CCDC150: variants seen among roughly 807,000 people sequenced by gnomAD.
The protein encoded by CCDC150 is coiled-coil domain-containing protein 150.
Under a neutral mutation model 156.5 loss-of-function variants are expected in CCDC150, and 151 were observed. That is an observed-to-expected ratio of 0.97 (90% confidence interval 0.85 to 1.10). The LOEUF is 1.10. Ranked by LOEUF, CCDC150 falls within the 50% of genes least tolerant of loss-of-function variation. CCDC150 has a pLI of 0.00. For missense variants in CCDC150, 1,312 were observed against 1,268.1 expected, an observed-to-expected ratio of 1.03 and a Z score of -0.53; for synonymous variants, 452 against 429.4, an observed-to-expected ratio of 1.05 and a Z score of -0.65.
At chr2:196,689,277 T>A (rs1695298633) in intron 13 of CCDC150, among the ~76,000 whole-genome samples, 1 of 152,176 alleles carries the variant, frequency 6.6e-6, no homozygotes, top group African/African-American at 2.4e-5. Context: ...TCCAATTCTG[T>A]GAGGAAAGTC....
rs981149759 is a variant in CCDC150, at chr2:196,658,814, A to G, written c.599A>G (p.Glu200Gly). ...TAGAAGAATGCAGCCATTATTGAAG[A>G]GGAACTGAAGACCACAAAACGTAAA... ...QTKKNAAIIE[E>G]ELKTTKRKMN... The change falls in exon 5 of 28, where the codon GAG becomes GGG. Residue 200 changes from glutamate to glycine, a missense_variant. Transcript: ENST00000389175. The G allele has an allele frequency of 1.9e-6, 3 of 1,605,420 alleles. No individual in the cohort carries two copies. Among genetic ancestry groups the G allele is most frequent in the African/African-American group, 2.7e-5 (2 of 74,756 alleles).
rs534755954 is a variant in CCDC150 at position 196,672,342 on chromosome 2, T to C, written c.937-3T>C. 4 of 1,484,950 alleles carry C rather than the reference T, an allele frequency of 2.7e-6. No individual in the cohort carries two copies. Among genetic ancestry groups the C allele is most frequent in the African/African-American group, 1.4e-5 (1 of 69,710 alleles). 92.0% of individuals were successfully genotyped at this position (1,484,950 alleles called of 1,614,324 possible). On this transcript the variant is annotated splice_region_variant and splice_polypyrimidine_tract_variant and intron_variant, in intron 8 of 27. Coordinates refer to ENST00000389175, the MANE Select transcript of CCDC150 (RefSeq NM_001080539.2). ...AAAAAGAGAGTAATTTTTTTTCTTATAGAACCTGCAGATATCTTTCAACAA... is the reference window on the plus strand; with the variant it reads ...AAAAAGAGAGTAATTTTTTTTCTTACAGAACCTGCAGATATCTTTCAACAA...
chr2:196,658,645 A>T (rs1049189630), intron 4 of CCDC150, 147 bp from the exon 5 acceptor site: 10 of 562,568 alleles, frequency 1.8e-5, no homozygotes, highest in African/African-American at 1.4e-4. Context: ...TAATTACTTC[A>T]GACTTATAAC....
chr2:196,705,942 T>A (rs1356308017), intron 15 of CCDC150, among the ~76,000 whole-genome samples: 1 of 152,226 alleles, frequency 6.6e-6, no homozygotes, highest in Admixed American at 6.5e-5. Flanking sequence ...CCATGCTGTT[T>A]TGGTTACTGC....
Position 196,732,455 on chromosome 2 carries a change from G to T in CCDC150, c.3199G>T (p.Val1067Leu). 6.2e-7 allele frequency: 1 copy of T among 1,612,306 alleles called. No homozygotes were observed. Reference protein sequence around the residue: ...EDRWQEKDQDVKHDVMSNQSV... With the variant: ...EDRWQEKDQDLKHDVMSNQSV... ...GTTTTCTTTCCAACAGGACCAAGATGTAAAACATGATGTCATGTCCAACCA... is the reference window on the plus strand; with the variant it reads ...GTTTTCTTTCCAACAGGACCAAGATTTAAAACATGATGTCATGTCCAACCA... Residue 1067 changes from valine to leucine, a missense_variant, in exon 28 of 28, where the codon GTA becomes TTA. Coordinates refer to ENST00000389175, the MANE Select transcript of CCDC150 (RefSeq NM_001080539.2).
intron 17 of CCDC150, among the ~76,000 whole-genome samples, chr2:196,716,491 T>C (rs1312084656): frequency 6.6e-6 from 1 of 152,184 alleles, no homozygotes; most frequent in African/African-American, 2.4e-5. Flanking sequence ...AAAGAAGTTA[T>C]TCAAAAAAGA....
chr2:196,674,385 C>A, intron 10 of CCDC150, 37 bp downstream of exon 10: 1 of 1,294,476 alleles, frequency 7.7e-7, no homozygotes. Flanking sequence ...AGAAAGCCAG[C>A]CTGGTTGATA....
chr2:196,671,192 A>G (rs1367248367), intron 8 of CCDC150, among the ~76,000 whole-genome samples: 1 of 152,038 alleles, frequency 6.6e-6, no homozygotes, highest in Non-Finnish European at 1.5e-5. Context: ...GAGTAGTTTC[A>G]TTGCTCTAAA....
intron 17 of CCDC150, among the ~76,000 whole-genome samples, chr2:196,716,652 CT>C (rs1225760604): frequency 6.6e-6 from 1 of 152,056 alleles, no homozygotes; most frequent in Non-Finnish European, 1.5e-5. Context: ...CTTAAGGAAA[CT>C]TTTGGAGATG....
chr2:196,646,268 G>A, intron 1 of CCDC150, 73 bp from the exon 2 acceptor site: 1 of 1,390,812 alleles, frequency 7.2e-7, no homozygotes, highest in Non-Finnish European at 1.0e-6. Flanking sequence ...CCTAATCCTG[G>A]CACAGGAATG....
intron 17 of CCDC150, among the ~76,000 whole-genome samples, chr2:196,714,979 C>G (rs1559269328): frequency 6.6e-6 from 1 of 152,058 alleles, no homozygotes; most frequent in East Asian, 1.9e-4. Context: ...GTTACAGGTT[C>G]AAGTTTAAGG....
intron 15 of CCDC150, among the ~76,000 whole-genome samples, chr2:196,701,915 T>A (rs1392565567): frequency 6.6e-6 from 1 of 152,194 alleles, no homozygotes; most frequent in Admixed American, 6.5e-5. Context: ...TCCATTTTTC[T>A]ATATATTTAA....
At chr2:196,711,957 C>G (rs948191755) in intron 15 of CCDC150, among the ~76,000 whole-genome samples, 188 bp from the exon 16 acceptor site, 4 of 150,398 alleles carry the variant, frequency 2.7e-5, no homozygotes, top group African/African-American at 7.3e-5. Context: ...GAGTGTATAT[C>G]ATTTTTTGCA....
chr2:196,727,025 A>G (rs994042034), intron 22 of CCDC150: 1 of 152,264 alleles, frequency 6.6e-6, no homozygotes, highest in Non-Finnish European at 1.5e-5. Flanking sequence ...ATAACAGTTA[A>G]TTCGAGTATT....
Position 196,666,769 on chromosome 2 carries a change from C to A in CCDC150, c.813C>A (p.Ser271Arg), listed in dbSNP as rs371682362. 3 of 1,612,382 alleles carry A rather than the reference C, an allele frequency of 1.9e-6. No homozygotes were observed. The highest frequency in any genetic ancestry group is 4.5e-5 in the East Asian group (2 of 44,830). ...NCIALRDSIQ[S>R]AQELLAQEQK... is the part of the protein sequence containing the mutation. ...TTGCTCTACGTGATTCTATACAGAG[C>A]GCTCAAGAACTACTGGCCCAGGAAC... The change falls in exon 7 of 28, where the codon AGC (serine) becomes AGA (arginine). Residue 271 changes from serine to arginine, a missense_variant. Transcript: ENST00000389175.
chr2:196,698,324 G>A (rs1198701967), intron 14 of CCDC150, among the ~76,000 whole-genome samples: 3 of 151,960 alleles, frequency 2.0e-5, no homozygotes, highest in Admixed American at 6.6e-5. Flanking sequence ...CTCAATTTTC[G>A]TTTGTACATT....
At chr2:196,714,504 G>A (rs1697364694) in intron 17 of CCDC150, among the ~76,000 whole-genome samples, 1 of 151,956 alleles carries the variant, frequency 6.6e-6, no homozygotes, top group East Asian at 1.9e-4. Context: ...TTTGCTACTT[G>A]CTGGGGAGAT....
intron 4 of CCDC150, 140 bp from the exon 5 acceptor site, chr2:196,658,652 T>C: frequency 1.7e-6 from 1 of 581,258 alleles, no homozygotes; most frequent in Admixed American, 3.7e-5. Flanking sequence ...TTCAGACTTA[T>C]AACAAGGAGT....
intron 5 of CCDC150, among the ~76,000 whole-genome samples, chr2:196,661,846 C>A (rs1005128531): frequency 6.6e-6 from 1 of 152,158 alleles, no homozygotes; most frequent in Non-Finnish European, 1.5e-5. Flanking sequence ...AGGAAAATGT[C>A]TCTTTTTAAA....
Sources: gnomAD v4.1 joint callset for allele counts (sites outside exome capture counted in the v4.1 genomes callset) on GRCh38, gnomAD v4.1.1 for gene constraint, MANE v1.5 for transcripts, NCBI Gene and HGNC (gene_info 2026-07-23, HGNC 2026-07-21) for gene names.